RAB37: variants seen among roughly 807,000 people sequenced by gnomAD.
RAB37 encodes the protein ras-related protein Rab-37.
Under a neutral mutation model 33.1 loss-of-function variants are expected in RAB37, and 29 were observed. The observed-to-expected ratio is 0.88, with a 90% CI of 0.65 to 1.20. RAB37 has a LOEUF of 1.20. RAB37 is among the 50% of genes most tolerant of loss of function. The pLI, the probability that RAB37 is intolerant of heterozygous loss-of-function variation, is 0.00. For missense variants in RAB37, 299 were observed against 301.1 expected (o/e 0.99, Z 0.05); for synonymous variants, 128 against 119.5 (o/e 1.07, Z -0.47).
rs939217054 is a variant in RAB37 at position 74,729,915 on chromosome 17, A to G, written c.183+549A>G. ...GTTTTCAGCACAGTCCAAACTTAGC[A>G]GTCACACGGGTCTCAGGGAGCTGGC... On this transcript the variant is annotated intron_variant, in intron 2 of 7. Coordinates refer to the RAB37 transcript ENST00000340415. The surrounding 1 kb of genome is among the most constrained non-coding windows in gnomAD (Gnocchi z 4.2). 6.6e-6 allele frequency among the ~76,000 whole-genome samples: 1 copy of G among 152,244 alleles called. No homozygotes were observed. The highest frequency in any genetic ancestry group is 6.5e-5 in the Admixed American group (1 of 15,284).
At chr17:74,719,452 C>CA (rs2034210033) in intron 1 of RAB37, among the ~76,000 whole-genome samples, 1 of 151,960 alleles carries the variant, frequency 6.6e-6, no homozygotes, top group East Asian at 1.9e-4. Flanking sequence ...GAACTCATCT[C>CA]AAAAAAATAA....
intron 1 of RAB37, among the ~76,000 whole-genome samples, chr17:74,712,451 C>A (rs1057357076): frequency 6.6e-6 from 1 of 152,220 alleles, no homozygotes; most frequent in Non-Finnish European, 1.5e-5. Context: ...TTCCCTGACG[C>A]CTGCCCTTGC....
chr17:74,694,912 C>T (rs774999951), intron 1 of RAB37: 5 of 557,110 alleles, frequency 9.0e-6, no homozygotes, highest in Non-Finnish European at 1.5e-5. Flanking sequence ...TTAGAAAACC[C>T]CAACTCCTAG....
chr17:74,673,406 T>C (rs1598173507), intron 1 of RAB37, among the ~76,000 whole-genome samples: 1 of 46,438 alleles, frequency 2.2e-5, no homozygotes, highest in Non-Finnish European at 5.9e-5. Flanking sequence ...AGACCTTGTC[T>C]CAAAAAAAAA....
At chr17:74,732,403 T>C (rs139334147), upstream of RAB37, among the ~76,000 whole-genome samples, 97 of 152,020 alleles carry the variant, frequency 6.4e-4, 1 homozygote, top group East Asian at 0.018. Context: ...GTTCCCCAGC[T>C]CTGAAGTTTT....
intron 1 of RAB37, among the ~76,000 whole-genome samples, chr17:74,688,387 T>C (rs976291217): frequency 5.9e-5 from 9 of 151,486 alleles, no homozygotes; most frequent in African/African-American, 2.2e-4. Flanking sequence ...CTGTCTCTAC[T>C]AAAAAATACA....
chr17:74,738,681 G>A lies in RAB37; in HGVS notation c.93+1316G>A, dbSNP rs982678741. 1.3e-5 allele frequency among the ~76,000 whole-genome samples: 2 copies of A among 152,118 alleles called. No individual in the cohort carries two copies. Among genetic ancestry groups the A allele is most frequent in the African/African-American group, 4.8e-5 (2 of 41,416 alleles). On this transcript the variant is annotated intron_variant, in intron 1 of 8. Transcript: ENST00000392613. This position sits in a 1 kb window ranked among gnomAD's most constrained non-coding sequence, Gnocchi z 5.0. ...CAGGGAGGAGTGCAGGCTCCAGAAA[G>A]CTCCTATCCCCCACCCCTTCATCTG...
Position 74,671,710 on chromosome 17 carries a change from A to G in RAB37, c.72+52A>G, listed in dbSNP as rs562387019. 8 of 1,544,368 alleles carry G rather than the reference A, an allele frequency of 5.2e-6. No homozygotes were observed. The highest frequency in any genetic ancestry group is 7.2e-6 in the Non-Finnish European group (8 of 1,117,438). On this transcript the variant is annotated intron_variant, in intron 1 of 7. Transcript: ENST00000340415. This position sits in a 1 kb window ranked among gnomAD's most constrained non-coding sequence, Gnocchi z 5.0. ...TAACGTTGGAAGAGGCGCCAGCACC[A>G]GGAGTTTTCTCCACTCCCCTGACTT... is the stretch of plus-strand genomic sequence containing the variant.
intron 1 of RAB37, among the ~76,000 whole-genome samples, chr17:74,681,907 C>A (rs1469715239): frequency 6.6e-6 from 1 of 152,234 alleles, no homozygotes; most frequent in Admixed American, 6.5e-5. Context: ...CCTGTCCTGA[C>A]CACCTTCTGC....
intron 1 of RAB37, among the ~76,000 whole-genome samples, chr17:74,714,951 G>A (rs1229930964): frequency 9.2e-5 from 14 of 152,000 alleles, no homozygotes; most frequent in Admixed American, 2.6e-4. Context: ...GCAAAACCCC[G>A]TCTCTACTAA....
chr17:74,679,178 T>G (rs1269557481), intron 1 of RAB37, among the ~76,000 whole-genome samples: 1 of 152,018 alleles, frequency 6.6e-6, no homozygotes, highest in Non-Finnish European at 1.5e-5. Flanking sequence ...GTTTGAATTT[T>G]GCATTCATAC....
chr17:74,675,280 C>A (rs1392349032), intron 1 of RAB37, among the ~76,000 whole-genome samples: 1 of 151,848 alleles, frequency 6.6e-6, no homozygotes, highest in Non-Finnish European at 1.5e-5. Flanking sequence ...ACTAAAAATA[C>A]AAAAATTAGC....
chr17:74,697,030 C>T (rs2032552599), intron 1 of RAB37, among the ~76,000 whole-genome samples: 1 of 152,222 alleles, frequency 6.6e-6, no homozygotes, highest in Non-Finnish European at 1.5e-5. Flanking sequence ...CAACCTCCAC[C>T]TCCTGGGTTC....
At chr17:74,687,585 G>T (rs901873784) in intron 1 of RAB37, among the ~76,000 whole-genome samples, 1 of 152,202 alleles carries the variant, frequency 6.6e-6, no homozygotes, top group African/African-American at 2.4e-5. Context: ...TGAGGATATG[G>T]TCACAGTGGA....
At position 74,730,323 on chromosome 17, in the gene RAB37, G is replaced by A. The variant is rs945255761; in HGVS notation, c.183+957G>A. Among the ~76,000 whole-genome samples, 6 of 152,184 alleles carry A rather than the reference G, an allele frequency of 3.9e-5. No individual in the cohort carries two copies. Among genetic ancestry groups the A allele is most frequent in the South Asian group, 2.1e-4 (1 of 4,830 alleles). Reference sequence around the variant, plus strand: ...GTGAGATCACGCTCAGGGTCAGGACGCAGCAGTGCCACACTGATGGGAAGA... The same window carrying A: ...GTGAGATCACGCTCAGGGTCAGGACACAGCAGTGCCACACTGATGGGAAGA... On this transcript the variant is annotated intron_variant, in intron 2 of 7. Coordinates refer to the RAB37 transcript ENST00000340415. This position sits in a 1 kb window ranked among gnomAD's most constrained non-coding sequence, Gnocchi z 4.4.
chr17:74,705,031 A>C (rs1344962279), intron 1 of RAB37, among the ~76,000 whole-genome samples: 1 of 152,198 alleles, frequency 6.6e-6, no homozygotes, highest in African/African-American at 2.4e-5. Flanking sequence ...GGATCCCCCC[A>C]AAAATAAAAA....
intron 1 of RAB37, among the ~76,000 whole-genome samples, chr17:74,714,283 A>C (rs937123279): frequency 2.2e-4 from 33 of 152,098 alleles, no homozygotes; most frequent in Middle Eastern, 3.4e-3. Flanking sequence ...CAATCTGGGA[A>C]GCTAAGGCCT....
chr17:74,712,852 T>G, intron 1 of RAB37: 1 of 1,613,594 alleles, frequency 6.2e-7, no homozygotes, highest in Non-Finnish European at 8.5e-7. Flanking sequence ...GCAGGTAGAG[T>G]GTCAGCAGGG....
intron 1 of RAB37, among the ~76,000 whole-genome samples, chr17:74,682,904 C>CA (rs982242402): frequency 2.1e-4 from 32 of 149,920 alleles, no homozygotes; most frequent in South Asian, 6.3e-4. Context: ...AACTCCGTCT[C>CA]AAAAAAAAAG....
Sources: gnomAD v4.1 joint callset for allele counts (sites outside exome capture counted in the v4.1 genomes callset) on GRCh38, gnomAD v4.1.1 for gene constraint, Gnocchi (gnomAD v3.1) non-coding constraint, MANE v1.5 for transcripts, NCBI Gene and HGNC (gene_info 2026-07-23, HGNC 2026-07-21) for gene names.